KLC1: variants seen among roughly 807,000 people sequenced by gnomAD.
The protein encoded by KLC1 is kinesin 2 60/70kDa.
Under a neutral mutation model 84.2 loss-of-function variants are expected in KLC1, and 30 were observed. The ratio of observed to expected loss-of-function variants is 0.36; its 90% CI spans 0.27 to 0.48. KLC1 has a LOEUF of 0.48. KLC1 is among the 20% of genes least tolerant of loss of function. The pLI, the probability that KLC1 is intolerant of heterozygous loss-of-function variation, is 0.99. For missense variants in KLC1, 499 were observed against 805.4 expected (o/e 0.62, Z 4.60); for synonymous variants, 289 against 293.3 (o/e 0.99, Z 0.15).
At chr14:103,672,908 C>T (rs970998905) in intron 7 of KLC1, 106 bp from the exon 8 acceptor site, 9 of 958,808 alleles carry the variant, frequency 9.4e-6, no homozygotes, top group South Asian at 4.5e-5. Flanking sequence ...GAAAGTGTAG[C>T]ACAGTCGTGC....
intron 3 of KLC1, among the ~76,000 whole-genome samples, chr14:103,658,976 T>A (rs1374992791): frequency 2.7e-5 from 4 of 147,966 alleles, no homozygotes; most frequent in Non-Finnish European, 4.5e-5. Context: ...CTTTTTATTT[T>A]TTTTTTTACT....
intron 1 of KLC1, among the ~76,000 whole-genome samples, chr14:103,644,067 T>G (rs2077702005): frequency 6.6e-6 from 1 of 151,340 alleles, no homozygotes; most frequent in South Asian, 2.1e-4. Context: ...TACAAAAAAT[T>G]AGCTGGGTGT....
chr14:103,658,952 C>T (rs1478375879), intron 3 of KLC1, among the ~76,000 whole-genome samples: 5 of 151,470 alleles, frequency 3.3e-5, no homozygotes, highest in Non-Finnish European at 5.9e-5. Context: ...CCACTGCGCC[C>T]AGCCAGTTAA....
In KLC1 at chr14:103,673,485, A is replaced by C; in HGVS notation, c.1261+54A>C. The C allele has an allele frequency of 2.8e-6, 3 of 1,064,006 alleles. No homozygotes were observed. In the South Asian group the frequency reaches 4.3e-5, roughly 15 times the overall value. The allele number at this position is 1,064,006 out of a possible 1,614,324, so 65.9% of individuals were successfully genotyped here. A position where few individuals can be genotyped will look rare whatever the true frequency, so the allele number is the denominator to read the frequency against. On this transcript the variant is annotated intron_variant, in intron 9 of 16. Transcript: ENST00000334553. ...ATTTAATTGTATAATGACTTGACTA[A>C]TAGTAATATACTAATAGTATTAGTT...
chr14:103,684,217 ATAAACT>A (rs1425345579), intron 13 of KLC1, among the ~76,000 whole-genome samples: 2 of 152,228 alleles, frequency 1.3e-5, no homozygotes, highest in East Asian at 1.9e-4. Flanking sequence ...CCAAAAATAA[ATAAACT>A]TAAGCACTAA....
rs538976121 is a variant in KLC1, at chr14:103,693,138, C to A, written c.1848+713C>A. 3.3e-5 allele frequency among the ~76,000 whole-genome samples: 5 copies of A among 152,296 alleles called. No homozygotes were observed. Among genetic ancestry groups the A allele is most frequent in the South Asian group, 2.1e-4 (1 of 4,820 alleles). ...CCCCTGTGCTGGTGCTGAGAGTTCG[C>A]GACAGTGGCCAGGCACTGCCCTCCC... On this transcript the variant is annotated intron_variant, in intron 15 of 16. Coordinates refer to ENST00000334553, the MANE Select transcript of KLC1 (RefSeq NM_001394837.1). The surrounding 1 kb of genome is among the most constrained non-coding windows in gnomAD (Gnocchi z 5.1).
chr14:103,684,902 T>C, intron 13 of KLC1: 1 of 723,072 alleles, frequency 1.4e-6, no homozygotes, highest in Non-Finnish European at 2.6e-6. Flanking sequence ...ATCCTTTTTC[T>C]CAAGAGCAGC....
chr14:103,672,874 C>T (rs779539145), intron 7 of KLC1, 140 bp from the exon 8 acceptor site: 5 of 708,278 alleles, frequency 7.1e-6, no homozygotes, highest in Non-Finnish European at 9.4e-6. Context: ...CGTGGTGTAG[C>T]GAGCCAGTTA....
intron 15 of KLC1, chr14:103,699,320 C>CT: frequency 6.4e-7 from 1 of 1,559,596 alleles, no homozygotes; most frequent in Non-Finnish European, 8.7e-7. Flanking sequence ...CGCATCCTGG[C>CT]TAAAAATACG....
At position 103,677,554 on chromosome 14, in the gene KLC1, A is replaced by C. The variant is rs978690343; in HGVS notation, c.1488+31A>C. The C allele has an allele frequency of 4.5e-6, 6 of 1,331,840 alleles. No homozygotes were observed. In the African/African-American group the frequency reaches 8.7e-5, roughly 19 times the overall value. 82.5% of individuals were successfully genotyped at this position (1,331,840 alleles called of 1,614,324 possible). A position where few individuals can be genotyped will look rare whatever the true frequency, so the allele number is the denominator to read the frequency against. ...TCATACTTCTGTCCTTAACCGGCCC[A>C]TGGGAACTTTGAATTGAATGCTTCT... On this transcript the variant is annotated intron_variant, in intron 12 of 16. Transcript: ENST00000334553.
At chr14:103,692,547 G>C in intron 15 of KLC1, 122 bp downstream of exon 15, 1 of 699,628 alleles carries the variant, frequency 1.4e-6, no homozygotes. Context: ...ACGCCGCCAC[G>C]TTTGTTCCTA....
intron 5 of KLC1, among the ~76,000 whole-genome samples, chr14:103,668,965 C>A (rs10148157): frequency 0.98 from 146,519 of 149,942 alleles, 71,603 homozygotes; most frequent in African/African-American, 0.99. Context: ...TTTTTAGTAG[C>A]GATGGGGTTT....
At chr14:103,637,488 A>G (rs557665134) in intron 1 of KLC1, among the ~76,000 whole-genome samples, 1 of 151,896 alleles carries the variant, frequency 6.6e-6, no homozygotes, top group Non-Finnish European at 1.5e-5. Flanking sequence ...CGAGATTGCG[A>G]CACTGCATTC....
chr14:103,644,659 C>T (rs565392027), intron 1 of KLC1, among the ~76,000 whole-genome samples: 6 of 152,078 alleles, frequency 3.9e-5, no homozygotes, highest in South Asian at 4.2e-4. Context: ...TTTGGGAGGC[C>T]GAGGTAGGAG....
chr14:103,678,997 G>T (rs77179413), intron 12 of KLC1, among the ~76,000 whole-genome samples: 2,469 of 152,308 alleles, frequency 0.016, 64 homozygotes, highest in African/African-American at 0.056. Context: ...TGGTGAGGAG[G>T]TGGAGATGCT....
chr14:103,639,988 CAA>C (rs2077361545), intron 1 of KLC1, among the ~76,000 whole-genome samples: 1 of 152,028 alleles, frequency 6.6e-6, no homozygotes, highest in South Asian at 2.1e-4. Flanking sequence ...ATCCTGAGCT[CAA>C]GAGATCCACC....
intron 9 of KLC1, 103 bp from the exon 10 acceptor site, chr14:103,675,449 G>A (rs926408967): frequency 1.1e-5 from 10 of 911,280 alleles, no homozygotes; most frequent in Admixed American, 5.3e-5. Flanking sequence ...GAAACTTTTC[G>A]AGTGCCGACT....
chr14:103,701,334 C>A lies in KLC1; in HGVS notation c.*135C>A. 1.0e-6 allele frequency: 1 copy of A among 960,444 alleles called. No homozygotes were observed. Among genetic ancestry groups the A allele is most frequent in the South Asian group, 1.5e-5 (1 of 66,124 alleles). The allele number at this position is 960,444 out of a possible 1,614,324, so 59.5% of individuals were successfully genotyped here. A position where few individuals can be genotyped will look rare whatever the true frequency, so the allele number is the denominator to read the frequency against. On this transcript the variant is annotated 3_prime_UTR_variant, in exon 17 of 17. Coordinates refer to ENST00000334553, the MANE Select transcript of KLC1 (RefSeq NM_001394837.1). The stretch of plus-strand genomic sequence containing the variant: ...CACTCATTTCTCCTGCGTCTGTGTG[C>A]ATAGGACATGATACTAATAACCACA...
Position 103,694,305 on chromosome 14 carries a change from G to A in KLC1, c.1848+1880G>A, listed in dbSNP as rs553084425. 1.1e-5 allele frequency: 11 copies of A among 956,696 alleles called. No individual in the cohort carries two copies. Among genetic ancestry groups the A allele is most frequent in the South Asian group, 4.9e-5 (1 of 20,512 alleles). 59.3% of individuals were successfully genotyped at this position (956,696 alleles called of 1,614,324 possible). A position where few individuals can be genotyped will look rare whatever the true frequency, so the allele number is the denominator to read the frequency against. ...CTAACTCTGTTGCCCAGGCTGGAGC[G>A]CAGTGGCCCAATCTCGGCCCACTGC... On this transcript the variant is annotated intron_variant, in intron 15 of 16. Coordinates refer to ENST00000334553, the MANE Select transcript of KLC1 (RefSeq NM_001394837.1). This position sits in a 1 kb window ranked among gnomAD's most constrained non-coding sequence, Gnocchi z 4.5.
Sources: allele counts gnomAD v4.1 joint callset (sites outside exome capture counted in the v4.1 genomes callset), GRCh38; gene constraint gnomAD v4.1.1; non-coding constraint Gnocchi (gnomAD v3.1); transcripts MANE v1.5; gene names NCBI Gene and HGNC (gene_info 2026-07-23, HGNC 2026-07-21).